Variants in ABCA13 observed in about 807,000 individuals in gnomAD.
ABCA13 encodes the protein ATP-binding cassette sub-family A member 13.
Under a neutral mutation model 478.7 loss-of-function variants are expected in ABCA13, and 476 were observed. The observed-to-expected ratio is 0.99, with a 90% confidence interval of 0.92 to 1.07. ABCA13 has a LOEUF of 1.07. ABCA13 is among the 50% of genes least tolerant of loss of function. The probability of loss-of-function intolerance (pLI) is 0.00; values close to 1 mark genes in which losing one functional copy is unlikely to be tolerated. For synonymous variants in ABCA13, 2,252 were observed against 2,158.9 expected, an observed-to-expected ratio of 1.04 and a Z score of -1.20; for missense variants, 6,060 against 5,910.6, an observed-to-expected ratio of 1.03 and a Z score of -0.83.
At chr7:48,534,697 A>G (rs572900158) in intron 55 of ABCA13, among the ~76,000 whole-genome samples, 12 of 152,222 alleles carry the variant, frequency 7.9e-5, no homozygotes, top group Admixed American at 3.9e-4. Flanking sequence ...GGCTTTGTTC[A>G]TTTTTTAAAA....
At chr7:48,499,231 C>T (rs898322578) in intron 48 of ABCA13, among the ~76,000 whole-genome samples, 18 of 152,158 alleles carry the variant, frequency 1.2e-4, no homozygotes, top group South Asian at 4.1e-4. Context: ...GTCAGAAGAA[C>T]GCATATATTT....
chr7:48,439,467 T>C (rs1823287796), intron 42 of ABCA13, among the ~76,000 whole-genome samples: 1 of 152,190 alleles, frequency 6.6e-6, no homozygotes, highest in Admixed American at 6.6e-5. Flanking sequence ...AAATTAAACT[T>C]AGGCAAAATG....
rs191450489 is a variant in ABCA13 at position 48,377,237 on chromosome 7, C to G, written c.11335+665C>G. ...CAGTAATGGTAATGGGTTTTCCTAG[C>G]TGTTTTGGGAGGAAAAGAGGCACGC... On this transcript the variant is annotated intron_variant, in intron 35 of 61. Coordinates refer to ENST00000435803, the MANE Select transcript of ABCA13 (RefSeq NM_152701.5). Among the ~76,000 whole-genome samples, 263 of 150,600 alleles carry G rather than the reference C, an allele frequency of 1.7e-3. 3 individuals carry two copies. In the Middle Eastern group the frequency reaches 0.018, roughly 10 times the overall value.
chr7:48,615,009 C>A (rs923752543), intron 58 of ABCA13, among the ~76,000 whole-genome samples: 1 of 149,856 alleles, frequency 6.7e-6, no homozygotes, highest in African/African-American at 2.4e-5. Context: ...ACATTGTGCA[C>A]ATGTACCCTA....
chr7:48,384,458 G>T (rs752887207), intron 35 of ABCA13, among the ~76,000 whole-genome samples: 9 of 152,208 alleles, frequency 5.9e-5, no homozygotes, highest in Non-Finnish European at 1.3e-4. Flanking sequence ...CGCGTCACTG[G>T]GCAACCCTTG....
At chr7:48,575,587 T>C (rs536374868) in intron 55 of ABCA13, among the ~76,000 whole-genome samples, 10 of 152,054 alleles carry the variant, frequency 6.6e-5, no homozygotes, top group Non-Finnish European at 1.2e-4. Context: ...TTAGAAGCCA[T>C]TGACATGATG....
Position 48,274,917 on chromosome 7 carries a change from C to T in ABCA13, c.5251C>T (p.Pro1751Ser). ...TGTGATAGATGTGTACTATGTGCTT[C>T]CTCATGCTGTAAGGCTCCTGCAGGG... ...DAVIDVYYVLPHAVRLLQGVP... is the reference protein window; with the variant it reads ...DAVIDVYYVLSHAVRLLQGVP... Residue 1751 changes from proline (P) to serine (S), a missense_variant, in exon 17 of 62, where the codon CCT (proline) becomes TCT (serine). Pro to Ser is a moderately conservative substitution (Grantham distance 74). This residue lies in a region of ABCA13 where 4,423 missense variants were observed against 4,309.1 expected (regional missense o/e 1.03). Coordinates refer to ENST00000435803, the MANE Select transcript of ABCA13 (RefSeq NM_152701.5). 1.2e-6 allele frequency: 2 copies of T among 1,613,900 alleles called. No homozygotes were observed. The highest frequency in any genetic ancestry group is 1.1e-5 in the South Asian group (1 of 91,078).
intron 7 of ABCA13, among the ~76,000 whole-genome samples, chr7:48,230,365 A>G (rs1183129106): frequency 2.6e-5 from 4 of 152,222 alleles, no homozygotes; most frequent in Non-Finnish European, 4.4e-5. Flanking sequence ...GTGGACTTAC[A>G]GAGTCCCTAA....
At chr7:48,637,574 A>G (rs1794777041) in intron 59 of ABCA13, among the ~76,000 whole-genome samples, 1 of 152,080 alleles carries the variant, frequency 6.6e-6, no homozygotes. Context: ...TTCAGAGACC[A>G]TTAAAAATGC....
intron 59 of ABCA13, chr7:48,627,103 T>C: frequency 1.1e-6 from 1 of 934,988 alleles, no homozygotes; most frequent in African/African-American, 1.8e-5. Context: ...AAATGCTTTC[T>C]GTGCATGGTC....
chr7:48,590,109 C>T (rs1019397676), intron 57 of ABCA13, among the ~76,000 whole-genome samples: 1 of 151,958 alleles, frequency 6.6e-6, no homozygotes, highest in Non-Finnish European at 1.5e-5. Context: ...CACCTTTCTA[C>T]TCTCTCTTCC....
rs377117907 is a variant in ABCA13 at position 48,594,796 on chromosome 7, G to A, written c.14727G>A (p.Ala4909=). 12 of 1,613,750 alleles carry A rather than the reference G, an allele frequency of 7.4e-6. No individual in the cohort carries two copies. Among genetic ancestry groups the A allele is most frequent in the Non-Finnish European group, 3.4e-6 (4 of 1,179,774 alleles). The change falls in exon 58 of 62, where the codon GCG becomes GCA. Residue 4909 remains alanine, a synonymous_variant. Coordinates refer to ENST00000435803, the MANE Select transcript of ABCA13 (RefSeq NM_152701.5). ...AGGAGGTTCGGGAAGGCTGTGCTGCGGTGCTGACCTCCCACAGGTGAGTTC... is the reference window on the plus strand; with the variant it reads ...AGGAGGTTCGGGAAGGCTGTGCTGCAGTGCTGACCTCCCACAGGTGAGTTC... The part of the protein sequence containing the change: ...IMKEVREGCA[A]VLTSHSMEEC...
Position 48,273,536 on chromosome 7 carries a change from G to A in ABCA13, c.3870G>A (p.Glu1290=). 2.5e-6 allele frequency: 4 copies of A among 1,584,118 alleles called. No individual in the cohort carries two copies. The highest frequency in any genetic ancestry group is 3.4e-6 in the Non-Finnish European group (4 of 1,163,122). ...ATTCTCTGCTTGAAGTTTTCATTGA[G>A]TTTAGCAGTACCTCAGAATATATAG... ...FLNSLLEVFI[E]FSSTSEYIVR... Residue 1290 remains glutamate (E), a synonymous_variant, in exon 17 of 62, where the codon GAG becomes GAA. Coordinates refer to ENST00000435803, the MANE Select transcript of ABCA13 (RefSeq NM_152701.5).
At chr7:48,318,510 G>GT (rs71991953) in intron 27 of ABCA13, among the ~76,000 whole-genome samples, 14,599 of 133,784 alleles carry the variant, frequency 0.11, 891 homozygotes, top group East Asian at 0.17. Context: ...TAACTTTTTA[G>GT]TTTTTTTTTT....
At position 48,579,518 on chromosome 7, in the gene ABCA13, G is replaced by C. The variant is rs186655593; in HGVS notation, c.14355-706G>C. 3.1e-3 allele frequency among the ~76,000 whole-genome samples: 476 copies of C among 152,192 alleles called. 14 individuals are homozygous for C. Among genetic ancestry groups the C allele is most frequent in the Admixed American group, 0.031 (468 of 15,280 alleles). ...GCAATAGGAACTCTCATTTGCTGCTGATGGGAATTCAAAATGGTACAACCA... is the reference window on the plus strand; with the variant it reads ...GCAATAGGAACTCTCATTTGCTGCTCATGGGAATTCAAAATGGTACAACCA... On this transcript the variant is annotated intron_variant, in intron 55 of 61. Transcript: ENST00000435803.
chr7:48,591,442 C>T (rs1433803272), intron 57 of ABCA13, among the ~76,000 whole-genome samples: 1 of 151,780 alleles, frequency 6.6e-6, no homozygotes, highest in Non-Finnish European at 1.5e-5. Flanking sequence ...TGCTTACTTT[C>T]TTTAGCTATT....
At chr7:48,251,288 T>G (rs1792514567) in intron 15 of ABCA13, among the ~76,000 whole-genome samples, 1 of 152,222 alleles carries the variant, frequency 6.6e-6, no homozygotes, top group Non-Finnish European at 1.5e-5. Flanking sequence ...GAGAGTGATA[T>G]GCAATAGTGG....
intron 36 of ABCA13, among the ~76,000 whole-genome samples, chr7:48,388,783 G>A (rs1401852122): frequency 6.6e-6 from 1 of 152,054 alleles, no homozygotes; most frequent in Admixed American, 6.5e-5. Flanking sequence ...AAAAATACAT[G>A]TGTGTGTTTT....
chr7:48,180,727 G>A (rs931696104), intron 1 of ABCA13, among the ~76,000 whole-genome samples: 5 of 151,996 alleles, frequency 3.3e-5, no homozygotes, highest in East Asian at 1.9e-4. Context: ...ATGCGTGGCC[G>A]ATGCTGGACA....
Sources: gnomAD v4.1 joint callset for allele counts (sites outside exome capture counted in the v4.1 genomes callset) on GRCh38, gnomAD v4.1.1 for gene constraint, gnomAD v4.1.1 regional missense constraint, MANE v1.5 for transcripts, NCBI Gene and HGNC (gene_info 2026-07-23, HGNC 2026-07-21) for gene names.